Variants in CACNA2D1 observed in about 807,000 individuals in gnomAD.
The protein encoded by CACNA2D1 is voltage-dependent calcium channel subunit alpha-2/delta-1.
Under a neutral mutation model 171.5 loss-of-function variants are expected in CACNA2D1, and 53 were observed. That is an observed-to-expected ratio of 0.31 (90% confidence interval 0.25 to 0.39). The LOEUF (loss-of-function observed/expected upper bound fraction) is 0.39, where lower values mean the gene tolerates loss of function less well. Ranked by LOEUF, CACNA2D1 falls within the 10% of genes least tolerant of loss-of-function variation. The pLI is 1.00. For missense variants in CACNA2D1, 903 were observed against 1,299.8 expected, an observed-to-expected ratio of 0.69 and a Z score of 4.69; for synonymous variants, 442 against 443.1, an observed-to-expected ratio of 1.00 and a Z score of 0.03.
chr7:81,998,749 G>A (rs1275964255), intron 18 of CACNA2D1, among the ~76,000 whole-genome samples: 3 of 152,074 alleles, frequency 2.0e-5, no homozygotes, highest in Non-Finnish European at 4.4e-5. Context: ...ATGCTGACCA[G>A]TATTGGTAAG....
chr7:82,433,462 A>G (rs1358980841), intron 1 of CACNA2D1, among the ~76,000 whole-genome samples: 1 of 152,216 alleles, frequency 6.6e-6, no homozygotes, highest in East Asian at 1.9e-4. Flanking sequence ...TGTAATTTAA[A>G]TCATTCCTCT....
At chr7:82,114,489 A>C (rs1184206076) in intron 6 of CACNA2D1, among the ~76,000 whole-genome samples, 1 of 152,202 alleles carries the variant, frequency 6.6e-6, no homozygotes, top group Admixed American at 6.5e-5. Flanking sequence ...TCACGCCTTT[A>C]ATCCCAGCAC....
rs1388022112 is a variant in CACNA2D1, at chr7:82,374,061, G to A, written c.96-24412C>T. Among the ~76,000 whole-genome samples the A allele has an allele frequency of 7.2e-5, 11 of 152,296 alleles. 1 individual carries two copies. Among genetic ancestry groups the A allele is most frequent in the Middle Eastern group, 6.8e-3 (2 of 294 alleles). Reference sequence around the variant, plus strand: ...AAGGTTGACATGGGTCAGTCCGCACGAAACCAGACATGAACAACATTCAAG... The same window carrying A: ...AAGGTTGACATGGGTCAGTCCGCACAAAACCAGACATGAACAACATTCAAG... On this transcript the variant is annotated intron_variant, in intron 1 of 38. Transcript: ENST00000356860.
intron 3 of CACNA2D1, among the ~76,000 whole-genome samples, chr7:82,177,298 T>C (rs1207905903): frequency 6.6e-6 from 1 of 152,068 alleles, no homozygotes; most frequent in East Asian, 1.9e-4. Context: ...GCAATCACCA[T>C]AATAAATTGA....
intron 3 of CACNA2D1, among the ~76,000 whole-genome samples, chr7:82,200,217 T>C (rs1045593404): frequency 5.3e-5 from 8 of 152,102 alleles, no homozygotes. Flanking sequence ...TCAAGTAGAA[T>C]ATATTGTTTA....
chr7:82,076,905 G>T (rs1176481706), intron 7 of CACNA2D1, among the ~76,000 whole-genome samples: 1 of 152,024 alleles, frequency 6.6e-6, no homozygotes, highest in African/African-American at 2.4e-5. Flanking sequence ...CTTCCCTCCA[G>T]AAACATTTTG....
chr7:82,430,964 G>T (rs1585937486), intron 1 of CACNA2D1, among the ~76,000 whole-genome samples: 1 of 152,112 alleles, frequency 6.6e-6, no homozygotes, highest in Admixed American at 6.5e-5. Flanking sequence ...CACTCTCTGT[G>T]GCACAGTTCT....
intron 12 of CACNA2D1, chr7:82,027,784 T>C (rs1350656302): frequency 6.6e-6 from 1 of 151,782 alleles, no homozygotes; most frequent in Non-Finnish European, 1.5e-5. Context: ...TCATTATTAT[T>C]ACATCTGTTA....
At chr7:82,102,048 A>G (rs1288973479) in intron 6 of CACNA2D1, among the ~76,000 whole-genome samples, 1 of 152,140 alleles carries the variant, frequency 6.6e-6, no homozygotes, top group East Asian at 1.9e-4. Context: ...AAGAGCCTAA[A>G]ATCAATTTCT....
chr7:82,439,371 A>G (rs530984906), intron 1 of CACNA2D1, among the ~76,000 whole-genome samples: 26 of 152,052 alleles, frequency 1.7e-4, no homozygotes, highest in African/African-American at 5.3e-4. Flanking sequence ...TAGTTTTATC[A>G]ATGTTGGAGA....
intron 7 of CACNA2D1, among the ~76,000 whole-genome samples, chr7:82,081,082 G>C (rs1201783052): frequency 6.6e-6 from 1 of 152,190 alleles, no homozygotes; most frequent in Non-Finnish European, 1.5e-5. Context: ...ACAGCTAGCA[G>C]GGAGAGCCTA....
intron 4 of CACNA2D1, among the ~76,000 whole-genome samples, chr7:82,161,795 G>T (rs1450472357): frequency 6.6e-6 from 1 of 151,992 alleles, no homozygotes; most frequent in Non-Finnish European, 1.5e-5. Context: ...CAGAAAAGAG[G>T]TTTGGGTGTT....
At chr7:82,169,617 A>G (rs1220028365) in intron 4 of CACNA2D1, among the ~76,000 whole-genome samples, 5 of 152,054 alleles carry the variant, frequency 3.3e-5, no homozygotes, top group Non-Finnish European at 7.4e-5. Context: ...TTTAGTGTCT[A>G]CTGAAGCACA....
In CACNA2D1 at chr7:82,443,632, G is replaced by A; in HGVS notation, c.-173C>T. On this transcript the variant is annotated 5_prime_UTR_variant, in exon 1 of 39. Coordinates refer to ENST00000356860, the MANE Select transcript of CACNA2D1 (RefSeq NM_000722.4). ...CGCGCGGGGGACGGCAAGGGCGGGA[G>A]CGGACGCCGAGGAAGGGGCGGTGGC... 2.3e-6 allele frequency: 3 copies of A among 1,313,966 alleles called. No individual in the cohort carries two copies. The highest frequency in any genetic ancestry group is 4.7e-5 in the South Asian group (2 of 42,182). The allele number at this position is 1,313,966 out of a possible 1,614,324, so 81.4% of individuals were successfully genotyped here. A position where few individuals can be genotyped will look rare whatever the true frequency, so the allele number is the denominator to read the frequency against.
chr7:82,209,212 G>T (rs2129221731), intron 3 of CACNA2D1, among the ~76,000 whole-genome samples: 1 of 152,266 alleles, frequency 6.6e-6, no homozygotes, highest in South Asian at 2.1e-4. Context: ...ACTGGGAAAT[G>T]GAGACCATTC....
intron 7 of CACNA2D1, among the ~76,000 whole-genome samples, chr7:82,082,922 ACTG>A (rs1452388265): frequency 2.6e-5 from 4 of 152,222 alleles, no homozygotes; most frequent in Admixed American, 6.5e-5. Flanking sequence ...TTTAAAGTTA[ACTG>A]CTATTTGTTA....
chr7:82,046,314 C>G (rs1005150925), intron 10 of CACNA2D1, among the ~76,000 whole-genome samples: 3 of 152,160 alleles, frequency 2.0e-5, no homozygotes, highest in East Asian at 1.9e-4. Flanking sequence ...TGGTCACCCT[C>G]TCACAGTCAG....
At chr7:82,043,650 C>T (rs1191898316) in intron 10 of CACNA2D1, among the ~76,000 whole-genome samples, 2 of 152,134 alleles carry the variant, frequency 1.3e-5, no homozygotes, top group Non-Finnish European at 2.9e-5. Context: ...ATAACCCAAG[C>T]TTTTGGTTTT....
intron 18 of CACNA2D1, among the ~76,000 whole-genome samples, chr7:82,000,763 T>TTTTC (rs1340134078): frequency 2.3e-4 from 31 of 133,974 alleles, no homozygotes; most frequent in Non-Finnish European, 3.9e-4. Context: ...CCTAACTAAT[T>TTTTC]TTTCTTTCTT....
Sources: gnomAD v4.1 joint callset for allele counts (sites outside exome capture counted in the v4.1 genomes callset) on GRCh38, gnomAD v4.1.1 for gene constraint, MANE v1.5 for transcripts, NCBI Gene and HGNC (gene_info 2026-07-23, HGNC 2026-07-21) for gene names.